ARL2BP: variants seen among roughly 807,000 people sequenced by gnomAD.
ARL2BP encodes ADP-ribosylation factor-like protein 2-binding protein.
In ARL2BP, 19 loss-of-function variants were observed where a neutral mutation model predicts 24.2. The ratio of observed to expected loss-of-function variants is 0.79; its 90% CI spans 0.55 to 1.15. The LOEUF (loss-of-function observed/expected upper bound fraction) is 1.15, where lower values mean the gene tolerates loss of function less well. Among genes scored for constraint, ARL2BP ranks in the 50% most tolerant of loss-of-function variants. The pLI, the probability that ARL2BP is intolerant of heterozygous loss-of-function variation, is 0.00. For synonymous variants in ARL2BP, 56 were observed against 70.5 expected (o/e 0.79, Z 1.03); for missense variants, 160 against 190.4 (o/e 0.84, Z 0.94).
rs199830550 is a variant in ARL2BP at position 57,248,644 on chromosome 16, G to T, written c.207+1G>T. ...CTACACACCTATTTTTAATGAATAC[G>T]TAAGTAGATTTCTATGTCTCCTACC... On this transcript the variant is annotated splice_donor_variant, in intron 3 of 5. Coordinates refer to ENST00000219204, the MANE Select transcript of ARL2BP (RefSeq NM_012106.4). LOFTEE classifies it high-confidence loss of function. The T allele has an allele frequency of 6.6e-7, 1 of 1,522,472 alleles. No individual in the cohort carries two copies. The highest frequency in any genetic ancestry group is 8.9e-7 in the Non-Finnish European group (1 of 1,120,482). 94.3% of individuals were successfully genotyped at this position (1,522,472 alleles called of 1,614,324 possible).
At chr16:57,246,003 G>A in intron 1 of ARL2BP, 77 bp from the exon 2 acceptor site, 1 of 1,414,632 alleles carries the variant, frequency 7.1e-7, no homozygotes, top group Non-Finnish European at 1.0e-6. Flanking sequence ...TCTTGTGCAT[G>A]TTTGAAAACG....
chr16:57,249,718 C>G lies in ARL2BP; in HGVS notation c.208-49C>G, dbSNP rs754553793. On this transcript the variant is annotated intron_variant, in intron 3 of 5. Coordinates refer to ENST00000219204, the MANE Select transcript of ARL2BP (RefSeq NM_012106.4). The stretch of plus-strand genomic sequence containing the variant: ...CTGGGCAGGCTTTCTGAAAAGAAGT[C>G]TTGTTTTCCCAAAGTATGGTCTCAC... 4 of 1,484,502 alleles carry G rather than the reference C, an allele frequency of 2.7e-6. No homozygotes were observed. In the Admixed American group the frequency reaches 5.0e-5, roughly 19 times the overall value. The allele number at this position is 1,484,502 out of a possible 1,614,324, so 92.0% of individuals were successfully genotyped here.
chr16:57,249,737 G>A, intron 3 of ARL2BP, 30 bp from the exon 4 acceptor site: 1 of 1,580,424 alleles, frequency 6.3e-7, no homozygotes, highest in South Asian at 1.1e-5. Context: ...CCAAAGTATG[G>A]TCTCACCAAA....
intron 2 of ARL2BP, among the ~76,000 whole-genome samples, chr16:57,246,735 T>C (rs1597951956): frequency 6.6e-6 from 1 of 151,676 alleles, no homozygotes; most frequent in African/African-American, 2.4e-5. Context: ...ACCTGGGAGG[T>C]GGAGCTTGCA....
Position 57,252,180 on chromosome 16 carries a change from A to C in ARL2BP, c.405A>C (p.Arg135=), listed in dbSNP as rs1200396920. The C allele has an allele frequency of 2.5e-6, 4 of 1,614,004 alleles. No homozygotes were observed. Among genetic ancestry groups the C allele is most frequent in the Non-Finnish European group, 3.4e-6 (4 of 1,180,028 alleles). The change falls in exon 6 of 6, where the codon CGA becomes CGC. Residue 135 remains arginine (R), a synonymous_variant. Transcript: ENST00000219204. ...FLDYRAEKEG[R]GLDLSSGLVV... ...TTCTCATATAGGAAAAAGAAGGCCG[A>C]GGACTGGACTTAAGCAGTGGCTTAG...
chr16:57,245,470 C>G, intron 1 of ARL2BP, 65 bp downstream of exon 1: 1 of 1,573,760 alleles, frequency 6.4e-7, no homozygotes, highest in Non-Finnish European at 8.6e-7. Flanking sequence ...GCCCCGGGGC[C>G]TGACCCTATA....
chr16:57,252,386 GT>G lies in ARL2BP; in HGVS notation c.*121del. The G allele has an allele frequency of 6.4e-7, 1 of 1,567,192 alleles. No individual in the cohort carries two copies. Among genetic ancestry groups the G allele is most frequent in the Non-Finnish European group, 8.6e-7 (1 of 1,158,772 alleles). ...CTCTGTTATGTAACTCTTCATTTATGTTAAGTATTAATAGGTCAAAACCAAA... is the reference window on the plus strand; with the variant it reads ...CTCTGTTATGTAACTCTTCATTTATGTAAGTATTAATAGGTCAAAACCAAA... On this transcript the variant is annotated 3_prime_UTR_variant, in exon 6 of 6. Coordinates refer to ENST00000219204, the MANE Select transcript of ARL2BP (RefSeq NM_012106.4).
At position 57,246,267 on chromosome 16, in the gene ARL2BP, GT is replaced by G. The variant is rs2075390227; in HGVS notation, c.100+127del. 6.4e-5 allele frequency: 57 copies of G among 895,718 alleles called. 1 individual carries two copies. In the South Asian group the frequency reaches 7.4e-4, roughly 12 times the overall value. The allele number at this position is 895,718 out of a possible 1,614,324, so 55.5% of individuals were successfully genotyped here. Reference sequence around the variant, plus strand: ...CCTGCAATTTTTAATGTAGCACAATGTAATACTTAAGTAAAGGCTTACTGCA... The same window carrying G: ...CCTGCAATTTTTAATGTAGCACAATGAATACTTAAGTAAAGGCTTACTGCA... On this transcript the variant is annotated intron_variant, in intron 2 of 5. Coordinates refer to ENST00000219204, the MANE Select transcript of ARL2BP (RefSeq NM_012106.4).
chr16:57,248,076 G>A (rs934099725), intron 2 of ARL2BP, among the ~76,000 whole-genome samples: 30 of 152,094 alleles, frequency 2.0e-4, no homozygotes, highest in African/African-American at 7.2e-4. Context: ...CACTTTGGGA[G>A]GCGGAGGCAG....
Position 57,245,414 on chromosome 16 carries a change from C to G in ARL2BP, c.38+9C>G, listed in dbSNP as rs1461843366. 6.2e-7 allele frequency: 1 copy of G among 1,605,036 alleles called. No individual in the cohort carries two copies. The highest frequency in any genetic ancestry group is 8.5e-7 in the Non-Finnish European group (1 of 1,176,666). On this transcript the variant is annotated intron_variant, in intron 1 of 5. Transcript: ENST00000219204. ...AGCTTTGCGCTGTCTTTGTGAGTAG[C>G]TCCTCCAGGGCGCAGGCGACTTGGG...
intron 3 of ARL2BP, chr16:57,249,535 G>A: frequency 1.9e-6 from 1 of 537,502 alleles, no homozygotes. Flanking sequence ...CTGTGTCAGA[G>A]CATCCACCCT....
chr16:57,252,060 T>C (rs1597954520), intron 5 of ARL2BP, 106 bp from the exon 6 acceptor site: 1 of 867,840 alleles, frequency 1.2e-6, no homozygotes, highest in East Asian at 2.5e-5. Context: ...TCCTATGTAC[T>C]CTGGAGGTCC....
intron 1 of ARL2BP, chr16:57,245,811 G>A (rs77967205): frequency 1.3e-5 from 7 of 553,160 alleles, no homozygotes; most frequent in Non-Finnish European, 1.9e-5. Flanking sequence ...CAAGCAGACA[G>A]GTATGGGGTG....
rs11551998 is a variant in ARL2BP, at chr16:57,245,332, C to A, written c.-36C>A. On this transcript the variant is annotated 5_prime_UTR_variant, in exon 1 of 6. Transcript: ENST00000219204. ...GCCGCGCCCTGCATGCGAGTTGGGC[C>A]GCGGGCGGGGTTGGAGCCTACTCGG... is the stretch of plus-strand genomic sequence containing the variant. The A allele has an allele frequency of 3.9e-5, 62 of 1,596,370 alleles. No individual in the cohort carries two copies. In the African/African-American group the frequency reaches 7.7e-4, roughly 20 times the overall value.
At chr16:57,247,094 G>T (rs369880826) in intron 2 of ARL2BP, among the ~76,000 whole-genome samples, 1 of 152,258 alleles carries the variant, frequency 6.6e-6, no homozygotes, top group Non-Finnish European at 1.5e-5. Context: ...GGTGTTATTG[G>T]CTGTATGGCT....
chr16:57,245,267 G>A lies in ARL2BP; in HGVS notation c.-101G>A. On this transcript the variant is annotated 5_prime_UTR_variant, in exon 1 of 6. Transcript: ENST00000219204. ...CGCTGACCCGACCTGGCAGTGAGCTGGCCGCGGCCTTGGCTGAGAGGCCTT... is the reference window on the plus strand; with the variant it reads ...CGCTGACCCGACCTGGCAGTGAGCTAGCCGCGGCCTTGGCTGAGAGGCCTT... The A allele has an allele frequency of 3.5e-6, 5 of 1,429,034 alleles. No homozygotes were observed. The highest frequency in any genetic ancestry group is 4.8e-6 in the Non-Finnish European group (5 of 1,047,070). 88.5% of individuals were successfully genotyped at this position (1,429,034 alleles called of 1,614,324 possible).
chr16:57,246,660 C>T (rs1449672505), intron 2 of ARL2BP, among the ~76,000 whole-genome samples: 1 of 152,026 alleles, frequency 6.6e-6, no homozygotes, highest in Non-Finnish European at 1.5e-5. Flanking sequence ...AAAAATTAGC[C>T]GGGCGTGGTA....
At position 57,250,430 on chromosome 16, in the gene ARL2BP, G is replaced by T. The variant is rs143902334; in HGVS notation, c.313G>T (p.Ala105Ser). Reference sequence around the variant, plus strand: ...TTGCAGGCACCATAAGGATGAAGTGGCTGGTGACATATTCGACATGCTGCT... The same window carrying T: ...TTGCAGGCACCATAAGGATGAAGTGTCTGGTGACATATTCGACATGCTGCT... ...TTLQHHKDEV[A>S]GDIFDMLLTF... is the part of the protein sequence containing the mutation. The change falls in exon 5 of 6, where the codon GCT becomes TCT. Residue 105 changes from alanine to serine, a missense_variant. Physicochemically the swap from Ala to Ser is moderately conservative, Grantham distance 99. Transcript: ENST00000219204. 1.2e-6 allele frequency: 2 copies of T among 1,614,048 alleles called. No homozygotes were observed. The highest frequency in any genetic ancestry group is 2.7e-5 in the African/African-American group (2 of 74,916).
intron 1 of ARL2BP, chr16:57,245,694 G>A (rs1490780725): frequency 1.8e-6 from 1 of 545,042 alleles, no homozygotes; most frequent in Admixed American, 3.3e-5. Flanking sequence ...AGCCTGGAGG[G>A]GTTGAGCGCC....
Sources: gnomAD v4.1 joint callset for allele counts (sites outside exome capture counted in the v4.1 genomes callset) on GRCh38, gnomAD v4.1.1 for gene constraint, MANE v1.5 for transcripts, NCBI Gene and HGNC (gene_info 2026-07-23, HGNC 2026-07-21) for gene names.